CBX7: variants seen among roughly 807,000 people sequenced by gnomAD.
CBX7 encodes chromobox 7, also known as chromobox protein homolog 7.
In CBX7, 14 loss-of-function variants were observed where a neutral mutation model predicts 31.4. The ratio of observed to expected loss-of-function variants is 0.45; its 90% CI spans 0.29 to 0.70. The LOEUF is 0.70. Among genes scored for constraint, CBX7 ranks in the 30% least tolerant of loss-of-function variants. The probability of loss-of-function intolerance (pLI) is 0.11; values close to 1 mark genes in which losing one functional copy is unlikely to be tolerated. For missense variants in CBX7, 269 were observed against 351.9 expected, an observed-to-expected ratio of 0.76 and a Z score of 1.89; for synonymous variants, 159 against 152.6, an observed-to-expected ratio of 1.04 and a Z score of -0.31.
intron 2 of CBX7, chr22:39,149,410 A>G: frequency 2.9e-6 from 1 of 340,874 alleles, no homozygotes; most frequent in South Asian, 3.1e-5. Flanking sequence ...GGACTCATGC[A>G]GCACTGTGCT....
At chr22:39,148,665 T>C (rs575157789) in intron 2 of CBX7, 11 of 152,332 alleles carry the variant, frequency 7.2e-5, no homozygotes, top group African/African-American at 2.6e-4. Flanking sequence ...GTGGAGTGTA[T>C]TCTCGGCCTG....
Position 39,133,927 on chromosome 22 carries a change from A to G in CBX7, c.720T>C (p.Ala240=), listed in dbSNP as rs761813280. 4 of 1,613,524 alleles carry G rather than the reference A, an allele frequency of 2.5e-6. No homozygotes were observed. The highest frequency in any genetic ancestry group is 3.4e-6 in the Non-Finnish European group (4 of 1,179,700). ...ITVTFREAQA[A]EGFFRDRSGK... The stretch of plus-strand genomic sequence containing the variant: ...CACTGCGGTCTCGGAAGAAGCCCTC[A>G]GCTGCCTGGGCCTCGCGGAAGGTGA... The change falls in exon 6 of 6, where the codon GCT becomes GCC. Residue 240 remains alanine (A), a synonymous_variant. Coordinates refer to ENST00000216133, the MANE Select transcript of CBX7 (RefSeq NM_175709.5).
At chr22:39,141,076 T>A (rs1930438408) in intron 3 of CBX7, 1 of 371,230 alleles carries the variant, frequency 2.7e-6, no homozygotes, top group Admixed American at 4.5e-5. Context: ...CCTCTGAGGT[T>A]TCACCCTGGG....
chr22:39,152,342 T>C lies in CBX7; in HGVS notation c.69+34A>G. The C allele has an allele frequency of 7.4e-7, 1 of 1,345,544 alleles. No homozygotes were observed. The highest frequency in any genetic ancestry group is 9.6e-7 in the Non-Finnish European group (1 of 1,037,560). The allele number at this position is 1,345,544 out of a possible 1,614,324, so 83.4% of individuals were successfully genotyped here. ...GTGCTGGGGACGGGAGGGACCCCAC[T>C]GGGGTCCTGGGAGCCGCCCCCGGGC... is the stretch of plus-strand genomic sequence containing the variant. On this transcript the variant is annotated intron_variant, in intron 1 of 5. Transcript: ENST00000216133. This position sits in a 1 kb window ranked among gnomAD's most constrained non-coding sequence, Gnocchi z 4.9.
rs146808873 is a variant in CBX7, at chr22:39,137,908, G to A, written c.246+728C>T. On this transcript the variant is annotated intron_variant, in intron 4 of 5. Coordinates refer to ENST00000216133, the MANE Select transcript of CBX7 (RefSeq NM_175709.5). ...TCTAAGATTCTGTTTCTGGCTGGGCGCGGTGGCTCACGCCTGTAATCCCAG... is the reference window on the plus strand; with the variant it reads ...TCTAAGATTCTGTTTCTGGCTGGGCACGGTGGCTCACGCCTGTAATCCCAG... Among the ~76,000 whole-genome samples the A allele has an allele frequency of 2.0e-4, 31 of 152,234 alleles. No individual in the cohort carries two copies. In the East Asian group the frequency reaches 2.5e-3, roughly 12 times the overall value.
At chr22:39,149,915 C>T (rs556289710) in intron 1 of CBX7, 83 bp from the exon 2 acceptor site, 2 of 1,082,096 alleles carry the variant, frequency 1.8e-6, no homozygotes, top group African/African-American at 1.6e-5. Flanking sequence ...CCCAAAGGAG[C>T]CCAGCTCCAA....
At chr22:39,145,197 G>A (rs1339630904) in intron 2 of CBX7, among the ~76,000 whole-genome samples, 1 of 152,240 alleles carries the variant, frequency 6.6e-6, no homozygotes, top group Non-Finnish European at 1.5e-5. Flanking sequence ...GCACTTGGCT[G>A]CCGAGTGCAG....
At chr22:39,146,326 G>C (rs1180407075) in intron 2 of CBX7, among the ~76,000 whole-genome samples, 1 of 152,256 alleles carries the variant, frequency 6.6e-6, no homozygotes, top group Non-Finnish European at 1.5e-5. Flanking sequence ...AGTCTCCCCA[G>C]CCTGGGTGGA....
chr22:39,134,200 G>T, intron 5 of CBX7, 152 bp from the exon 6 acceptor site: 1 of 871,918 alleles, frequency 1.1e-6, no homozygotes. Flanking sequence ...GGAGGGCACT[G>T]GGTGCATCCT....
chr22:39,142,026 C>A (rs1569109268), intron 2 of CBX7, among the ~76,000 whole-genome samples: 1 of 152,192 alleles, frequency 6.6e-6, no homozygotes, highest in East Asian at 1.9e-4. Context: ...AGAGAGGGCG[C>A]CTGTAAGCCC....
rs1337330338 is a variant in CBX7, at chr22:39,131,336, C to G, written c.*2555G>C. ...GGCAAATGCTTTCTAAACCCTCCCC[C>G]CACCCCCAAGAGTACTGGCCTTTTA... On this transcript the variant is annotated 3_prime_UTR_variant, in exon 6 of 6. Transcript: ENST00000216133. The G allele has an allele frequency of 1.3e-5, 2 of 152,686 alleles. No individual in the cohort carries two copies. The highest frequency in any genetic ancestry group is 3.9e-4 in the East Asian group (2 of 5,192). The allele number at this position is 152,686 out of a possible 1,614,324, so 9.5% of individuals were successfully genotyped here. A position where few individuals can be genotyped will look rare whatever the true frequency, so the allele number is the denominator to read the frequency against.
chr22:39,138,594 T>A, intron 4 of CBX7, 42 bp downstream of exon 4: 1 of 1,595,648 alleles, frequency 6.3e-7, no homozygotes, highest in Non-Finnish European at 8.6e-7. Flanking sequence ...GGACTTGGGG[T>A]TGGGCAGGGG....
At chr22:39,151,147 G>C (rs1436974740) in intron 1 of CBX7, among the ~76,000 whole-genome samples, 8 of 152,236 alleles carry the variant, frequency 5.3e-5, no homozygotes. Context: ...GAGGGAGTTA[G>C]TGCTGTGCCT....
At chr22:39,135,021 A>C in intron 4 of CBX7, 1 of 428,390 alleles carries the variant, frequency 2.3e-6, no homozygotes, top group Non-Finnish European at 4.1e-6. Flanking sequence ...CCCAGCAGAG[A>C]AGCATACAAG....
In CBX7 at chr22:39,138,662, G is replaced by A; in HGVS notation, c.220C>T (p.Pro74Ser). The change falls in exon 4 of 6, where the codon CCG becomes TCG. Residue 74 changes from proline to serine, a missense_variant. This residue lies in a region of CBX7 where 47 missense variants were observed against 111.5 expected (regional missense o/e 0.42). Coordinates refer to ENST00000216133, the MANE Select transcript of CBX7 (RefSeq NM_175709.5). Reference sequence around the variant, plus strand: ...TGCAGCAGAAGCCGCTTGGGTTTCGGACCTCTCTTCCTATACCCCGATGCT... The same window carrying A: ...TGCAGCAGAAGCCGCTTGGGTTTCGAACCTCTCTTCCTATACCCCGATGCT... Reference protein sequence around the residue: ...DRASGYRKRGPKPKRLLLQRL... With the variant: ...DRASGYRKRGSKPKRLLLQRL... 1 of 1,614,200 alleles carries A rather than the reference G, an allele frequency of 6.2e-7. No individual in the cohort carries two copies. Among genetic ancestry groups the A allele is most frequent in the Non-Finnish European group, 8.5e-7 (1 of 1,180,032 alleles).
chr22:39,134,938 C>T lies in CBX7; in HGVS notation c.247-186G>A, dbSNP rs1930200074. The T allele has an allele frequency of 1.6e-5, 9 of 569,050 alleles. No homozygotes were observed. In the South Asian group the frequency reaches 1.6e-4, roughly 10 times the overall value. 35.3% of individuals were successfully genotyped at this position (569,050 alleles called of 1,614,324 possible). On this transcript the variant is annotated intron_variant, in intron 4 of 5. Transcript: ENST00000216133. ...CCCAGAGAGTGCGCCCCGGGCAACC[C>T]CAGGGTCGGCCAGCTCAGCCCTGCC...
chr22:39,145,657 C>A (rs1188957804), intron 2 of CBX7, among the ~76,000 whole-genome samples: 1 of 150,628 alleles, frequency 6.6e-6, no homozygotes, highest in Admixed American at 6.6e-5. Context: ...AGGCCCCGCC[C>A]CCGCCGGCCG....
At position 39,152,623 on chromosome 22, in the gene CBX7, T is replaced by A; in HGVS notation, c.-179A>T. On this transcript the variant is annotated 5_prime_UTR_variant, in exon 1 of 6. Coordinates refer to ENST00000216133, the MANE Select transcript of CBX7 (RefSeq NM_175709.5). This position sits in a 1 kb window ranked among gnomAD's most constrained non-coding sequence, Gnocchi z 4.9. ...CTCCCTCACGCCGCCGACGTTCCAT[T>A]TTTGAACCTGCGCAACGTTTTCCTC... 1 of 150,992 alleles carries A rather than the reference T, an allele frequency of 6.6e-6. No individual in the cohort carries two copies. The highest frequency in any genetic ancestry group is 2.0e-4 in the East Asian group (1 of 5,128). 9.4% of individuals were successfully genotyped at this position (150,992 alleles called of 1,614,324 possible). A position where few individuals can be genotyped will look rare whatever the true frequency, so the allele number is the denominator to read the frequency against.
chr22:39,133,792 T>C lies in CBX7; in HGVS notation c.*99A>G, dbSNP rs1930132631. The C allele has an allele frequency of 8.4e-7, 1 of 1,188,744 alleles. No homozygotes were observed. The highest frequency in any genetic ancestry group is 1.6e-5 in the African/African-American group (1 of 63,334). The allele number at this position is 1,188,744 out of a possible 1,614,324, so 73.6% of individuals were successfully genotyped here. On this transcript the variant is annotated 3_prime_UTR_variant, in exon 6 of 6. Transcript: ENST00000216133. ...TCCCCTTTTGCTGCTCGGTATTTTTTTAAATAAAATAATTACCCCGCCCCC... is the reference window on the plus strand; with the variant it reads ...TCCCCTTTTGCTGCTCGGTATTTTTCTAAATAAAATAATTACCCCGCCCCC...
Sources: allele counts gnomAD v4.1 joint callset (sites outside exome capture counted in the v4.1 genomes callset), GRCh38; gene constraint gnomAD v4.1.1; regional missense constraint gnomAD v4.1.1; non-coding constraint Gnocchi (gnomAD v3.1); transcripts MANE v1.5; gene names NCBI Gene and HGNC (gene_info 2026-07-23, HGNC 2026-07-21).